Variants in NCKAP5 observed in about 807,000 individuals in gnomAD.
NCKAP5 encodes nck-associated protein 5.
Under a neutral mutation model 167.0 loss-of-function variants are expected in NCKAP5, and 92 were observed. That is an observed-to-expected ratio of 0.55 (90% CI 0.47 to 0.66). NCKAP5 has a LOEUF of 0.66. Ranked by LOEUF, NCKAP5 falls within the 30% of genes least tolerant of loss-of-function variation. NCKAP5 has a pLI of 0.00. For missense variants in NCKAP5, 2,378 were observed against 2,315.0 expected (o/e 1.03, Z -0.56); for synonymous variants, 891 against 877.4 (o/e 1.02, Z -0.27).
At chr2:133,516,206 C>T (rs1466963798) in intron 3 of NCKAP5, among the ~76,000 whole-genome samples, 1 of 152,144 alleles carries the variant, frequency 6.6e-6, no homozygotes. Context: ...GAGAAATTAT[C>T]TCTTTATCCC....
the NCKAP5 span, among the ~76,000 whole-genome samples, chr2:133,577,879 A>G: frequency 6.6e-6 from 1 of 152,048 alleles, no homozygotes; most frequent in South Asian, 2.1e-4. Flanking sequence ...CCCTCTCCCC[A>G]TTCATTATTC....
At chr2:132,688,407 C>CA (rs1686243237) in intron 19 of NCKAP5, among the ~76,000 whole-genome samples, 1 of 152,014 alleles carries the variant, frequency 6.6e-6, no homozygotes, top group Non-Finnish European at 1.5e-5. Flanking sequence ...GACAAAAACA[C>CA]ACAAAAAAAT....
At chr2:133,440,505 T>C (rs996445374) in intron 3 of NCKAP5, among the ~76,000 whole-genome samples, 3 of 151,694 alleles carry the variant, frequency 2.0e-5, no homozygotes, top group Non-Finnish European at 1.5e-5. Context: ...GGTCAGGAGA[T>C]CGAGACCATC....
chr2:133,147,288 A>C (rs529408329), intron 5 of NCKAP5, among the ~76,000 whole-genome samples: 1 of 152,288 alleles, frequency 6.6e-6, no homozygotes, highest in Admixed American at 6.5e-5. Context: ...GATCAGAGTG[A>C]GAAGGCTAAA....
At chr2:132,770,235 G>A (rs1484798165) in intron 16 of NCKAP5, among the ~76,000 whole-genome samples, 1 of 151,844 alleles carries the variant, frequency 6.6e-6, no homozygotes, top group African/African-American at 2.4e-5. Context: ...GCCGAAAAAG[G>A]TACCTGTATA....
the NCKAP5 span, among the ~76,000 whole-genome samples, chr2:133,645,035 T>A: frequency 6.6e-6 from 1 of 152,172 alleles, no homozygotes; most frequent in Admixed American, 6.5e-5. Context: ...ACTCCAATTA[T>A]CCTGCCAGCA....
At chr2:133,608,512 C>T in the NCKAP5 span, among the ~76,000 whole-genome samples, 1 of 152,164 alleles carries the variant, frequency 6.6e-6, no homozygotes, top group East Asian at 1.9e-4. Flanking sequence ...GGGTCACTGG[C>T]AGCACCAGGA....
At chr2:133,054,761 C>G (rs2079735252) in intron 6 of NCKAP5, among the ~76,000 whole-genome samples, 2 of 152,082 alleles carry the variant, frequency 1.3e-5, no homozygotes, top group Admixed American at 6.5e-5. Context: ...CCACTCTTAT[C>G]AAATCCAGTT....
At chr2:133,582,753 A>G in the NCKAP5 span, among the ~76,000 whole-genome samples, 2 of 152,228 alleles carry the variant, frequency 1.3e-5, no homozygotes, top group African/African-American at 4.8e-5. Context: ...CCTTTGTTAT[A>G]GTGAATAACA....
the NCKAP5 span, among the ~76,000 whole-genome samples, chr2:133,664,494 G>C: frequency 6.6e-6 from 1 of 152,034 alleles, no homozygotes; most frequent in East Asian, 1.9e-4. Context: ...TTGAAAATCT[G>C]TTCTTTTTGT....
chr2:133,490,337 T>C (rs138659973), intron 3 of NCKAP5, among the ~76,000 whole-genome samples: 273 of 152,238 alleles, frequency 1.8e-3, no homozygotes, highest in Non-Finnish European at 2.7e-3. Context: ...CACCCACCTA[T>C]TCCCAGGTGA....
At chr2:132,946,595 C>T (rs1280099106) in intron 8 of NCKAP5, among the ~76,000 whole-genome samples, 1 of 152,110 alleles carries the variant, frequency 6.6e-6, no homozygotes. Flanking sequence ...TGTTTTATCA[C>T]CTTCATAAGT....
chr2:133,248,684 C>T (rs2150326995), intron 4 of NCKAP5, among the ~76,000 whole-genome samples: 1 of 152,302 alleles, frequency 6.6e-6, no homozygotes, highest in South Asian at 2.1e-4. Context: ...AGCTGCACTG[C>T]AGCTTTTAAA....
intron 11 of NCKAP5, among the ~76,000 whole-genome samples, chr2:132,813,963 G>A (rs1686077238): frequency 6.6e-6 from 1 of 152,200 alleles, no homozygotes; most frequent in Admixed American, 6.5e-5. Flanking sequence ...AGATCAGAGT[G>A]TTGATGAAAA....
chr2:133,505,503 T>TCTGCATGCCAGGCATGGTA (rs1210265005), intron 3 of NCKAP5, among the ~76,000 whole-genome samples: 1 of 152,144 alleles, frequency 6.6e-6, no homozygotes, highest in Non-Finnish European at 1.5e-5. Flanking sequence ...GGTAGAGAAG[T>TCTGCATGCCAGGCATGGTA]CTGCATGCCA....
At chr2:133,132,531 C>A (rs528959220) in intron 5 of NCKAP5, among the ~76,000 whole-genome samples, 29 of 141,128 alleles carry the variant, frequency 2.1e-4, no homozygotes, top group African/African-American at 7.7e-4. Context: ...CCTGATAACA[C>A]AGAGAAAATT....
the NCKAP5 span, among the ~76,000 whole-genome samples, chr2:133,613,684 C>T: frequency 1.1e-4 from 17 of 152,274 alleles, no homozygotes; most frequent in African/African-American, 4.1e-4. Flanking sequence ...CCTGCACAGC[C>T]TCCTCTGCCC....
chr2:133,570,225 G>C (rs1462022727), upstream of NCKAP5, among the ~76,000 whole-genome samples: 3 of 152,096 alleles, frequency 2.0e-5, no homozygotes, highest in Non-Finnish European at 4.4e-5. Flanking sequence ...TTACCCTCGG[G>C]AAAAAAGGTG....
At chr2:132,708,042 A>AAATGCAGCAGCAG (rs1688522220) in intron 19 of NCKAP5, among the ~76,000 whole-genome samples, 2 of 152,078 alleles carry the variant, frequency 1.3e-5, no homozygotes, top group Admixed American at 6.5e-5. Context: ...TGGGACCTGA[A>AAATGCAGCAGCAG]AATGCAGCAG....
Sources: allele counts gnomAD v4.1 joint callset (sites outside exome capture counted in the v4.1 genomes callset), GRCh38; gene constraint gnomAD v4.1.1; transcripts MANE v1.5; gene names NCBI Gene and HGNC (gene_info 2026-07-23, HGNC 2026-07-21).